C16orf95: variants seen among roughly 807,000 people sequenced by gnomAD.
C16orf95 encodes the protein chromosome 16 open reading frame 95.
A neutral mutation model predicts 32.1 loss-of-function variants in C16orf95; 41 were observed. The ratio of observed to expected loss-of-function variants is 1.28; its 90% CI spans 1.00 to 1.66. C16orf95 has a LOEUF of 1.66. C16orf95 is among the 40% of genes most tolerant of loss of function. C16orf95 has a pLI of 0.00. For synonymous variants in C16orf95, 147 were observed against 128.9 expected (o/e 1.14, Z -0.95); for missense variants, 399 against 325.9 (o/e 1.22, Z -1.73).
chr16:87,317,049 G>T, intron 1 of C16orf95, 42 bp downstream of exon 1: 2 of 1,469,666 alleles, frequency 1.4e-6, no homozygotes, highest in African/African-American at 2.8e-5. Context: ...ACTCACAGGC[G>T]AGGTGTCGGG....
Position 87,305,613 on chromosome 16 carries a change from A to C in C16orf95, c.701+106T>G. On this transcript the variant is annotated intron_variant, in intron 6 of 6. Transcript: ENST00000567970. The surrounding 1 kb of genome is among the most constrained non-coding windows in gnomAD (Gnocchi z 4.2). Reference sequence around the variant, plus strand: ...CGGGCCTTGGACGCCTGTCAAGTTAAGCCCCACCCCCCACTCTTCCACATC... The same window carrying C: ...CGGGCCTTGGACGCCTGTCAAGTTACGCCCCACCCCCCACTCTTCCACATC... The C allele has an allele frequency of 9.7e-7, 1 of 1,027,924 alleles. No homozygotes were observed. 63.7% of individuals were successfully genotyped at this position (1,027,924 alleles called of 1,614,324 possible).
intron 4 of C16orf95, among the ~76,000 whole-genome samples, chr16:87,310,782 T>G (rs1597345240): frequency 6.7e-6 from 1 of 149,720 alleles, no homozygotes; most frequent in East Asian, 2.0e-4. Context: ...GGAAGGGAGG[T>G]AGTGTGGGAA....
Position 87,315,172 on chromosome 16 carries a change from T to G in C16orf95, c.205-76A>C, listed in dbSNP as rs928031741. ...GGAGACAGGAGGCTCTCAAGCACAG[T>G]AGATCCGTGCTCAGGAAGATGGTGT... is the stretch of plus-strand genomic sequence containing the variant. On this transcript the variant is annotated intron_variant, in intron 2 of 6. Coordinates refer to ENST00000567970, the MANE Select transcript of C16orf95 (RefSeq NM_001195124.3). 1.3e-5 allele frequency: 19 copies of G among 1,424,254 alleles called. No homozygotes were observed. In the African/African-American group the frequency reaches 2.1e-4, roughly 16 times the overall value. 88.2% of individuals were successfully genotyped at this position (1,424,254 alleles called of 1,614,324 possible). A position where few individuals can be genotyped will look rare whatever the true frequency, so the allele number is the denominator to read the frequency against.
intron 5 of C16orf95, among the ~76,000 whole-genome samples, chr16:87,308,265 G>A (rs773874345): frequency 2.6e-5 from 4 of 151,992 alleles, no homozygotes; most frequent in South Asian, 2.1e-4. Flanking sequence ...GGAGGATCAC[G>A]AGGTCAGGAG....
At chr16:87,306,183 G>A (rs1911021536) in intron 5 of C16orf95, 1 of 294,252 alleles carries the variant, frequency 3.4e-6, no homozygotes, top group Non-Finnish European at 6.2e-6. Context: ...GCTGGGACTT[G>A]TTTCCAAATC....
rs990158141 is a variant in C16orf95 at position 87,317,117 on chromosome 16, T to G, written c.126A>C (p.Ala42=). ...TGCCATCCTGCGCGCTGGGTGTGAG[T>G]GCCAACCTGCAGAGCCCGACGCACC... ...GAGCVGLCRL[A]LTPSAQDGRN... The change falls in exon 1 of 7, where the codon GCA becomes GCC. Residue 42 remains alanine, a synonymous_variant. Coordinates refer to ENST00000567970, the MANE Select transcript of C16orf95 (RefSeq NM_001195124.3). 3.3e-6 allele frequency: 5 copies of G among 1,531,262 alleles called. No individual in the cohort carries two copies. Among genetic ancestry groups the G allele is most frequent in the East Asian group, 2.5e-5 (1 of 40,658 alleles). 94.9% of individuals were successfully genotyped at this position (1,531,262 alleles called of 1,614,324 possible).
intron 3 of C16orf95, among the ~76,000 whole-genome samples, chr16:87,314,514 G>C (rs958754880): frequency 6.6e-6 from 1 of 152,198 alleles, no homozygotes; most frequent in Admixed American, 6.5e-5. Context: ...TCAGGGTATG[G>C]AATGTTGGGT....
intron 6 of C16orf95, among the ~76,000 whole-genome samples, chr16:87,303,852 C>T (rs1463677141): frequency 6.6e-6 from 1 of 152,132 alleles, no homozygotes. Flanking sequence ...CTCCCCAGAA[C>T]AGTTACTCCA....
intron 5 of C16orf95, among the ~76,000 whole-genome samples, chr16:87,308,692 G>C (rs1911137677): frequency 6.6e-6 from 1 of 152,158 alleles, no homozygotes; most frequent in Admixed American, 6.5e-5. Context: ...CTTCAGGATG[G>C]TACTGGCAAA....
chr16:87,304,093 C>G (rs1310953909), intron 6 of C16orf95, among the ~76,000 whole-genome samples: 2 of 152,146 alleles, frequency 1.3e-5, no homozygotes, highest in African/African-American at 2.4e-5. Flanking sequence ...AATCAGCTCA[C>G]TGCAACTGCA....
rs1353892821 is a variant in C16orf95, at chr16:87,315,788, C to T, written c.188G>A (p.Cys63Tyr). The T allele has an allele frequency of 6.5e-7, 1 of 1,530,792 alleles. No individual in the cohort carries two copies. The highest frequency in any genetic ancestry group is 1.2e-5 in the South Asian group (1 of 82,986). 94.8% of individuals were successfully genotyped at this position (1,530,792 alleles called of 1,614,324 possible). Residue 63 changes from cysteine to tyrosine, a missense_variant, in exon 2 of 7, where the codon TGC becomes TAC. Transcript: ENST00000567970. ...STFQTYKKEVCLPRHSMHPGP... is the reference protein window; with the variant it reads ...STFQTYKKEVYLPRHSMHPGP... ...TTTCCTTACCGAATGACGGGGGAGGCACACTTCTTTCTTGTAGGTTTGAAA... is the reference window on the plus strand; with the variant it reads ...TTTCCTTACCGAATGACGGGGGAGGTACACTTCTTTCTTGTAGGTTTGAAA...
chr16:87,305,700 C>T lies in C16orf95; in HGVS notation c.701+19G>A, dbSNP rs1910987572. 6.7e-7 allele frequency: 1 copy of T among 1,484,336 alleles called. No individual in the cohort carries two copies. The highest frequency in any genetic ancestry group is 1.4e-5 in the African/African-American group (1 of 70,176). 91.9% of individuals were successfully genotyped at this position (1,484,336 alleles called of 1,614,324 possible). A position where few individuals can be genotyped will look rare whatever the true frequency, so the allele number is the denominator to read the frequency against. Reference sequence around the variant, plus strand: ...CCATGCCAGGGCCACCCACTGTCCCCCATCCCCCACCTGCTCACCGAATGG... The same window carrying T: ...CCATGCCAGGGCCACCCACTGTCCCTCATCCCCCACCTGCTCACCGAATGG... On this transcript the variant is annotated intron_variant, in intron 6 of 6. Coordinates refer to ENST00000567970, the MANE Select transcript of C16orf95 (RefSeq NM_001195124.3). This position sits in a 1 kb window ranked among gnomAD's most constrained non-coding sequence, Gnocchi z 4.2.
In C16orf95 at chr16:87,305,211, CA is replaced by C. The variant is rs1910958770; in HGVS notation, c.701+507del. Reference sequence around the variant, plus strand: ...CCATGGCTGTGGGCAGCAAGGGTGCCAGGGGCGAAACTCGAAGCCTGGGCGA... The same window carrying C: ...CCATGGCTGTGGGCAGCAAGGGTGCCGGGGCGAAACTCGAAGCCTGGGCGA... On this transcript the variant is annotated intron_variant, in intron 6 of 6. Coordinates refer to ENST00000567970, the MANE Select transcript of C16orf95 (RefSeq NM_001195124.3). The surrounding 1 kb of genome is among the most constrained non-coding windows in gnomAD (Gnocchi z 4.2). 4.6e-5 allele frequency among the ~76,000 whole-genome samples: 7 copies of C among 152,236 alleles called. No individual in the cohort carries two copies. In the South Asian group the frequency reaches 1.5e-3, roughly 32 times the overall value.
At chr16:87,314,264 C>G (rs991622201) in intron 3 of C16orf95, among the ~76,000 whole-genome samples, 1 of 152,100 alleles carries the variant, frequency 6.6e-6, no homozygotes, top group African/African-American at 2.4e-5. Context: ...AGAAACAACC[C>G]AAATGTCCTT....
chr16:87,307,847 G>A (rs934301735), intron 5 of C16orf95, among the ~76,000 whole-genome samples: 14 of 152,226 alleles, frequency 9.2e-5, no homozygotes, highest in African/African-American at 3.4e-4. Context: ...TTTTGTCAGT[G>A]ATGACACCAG....
rs2150657160 is a variant in C16orf95, at chr16:87,315,801, T to C, written c.175A>G (p.Lys59Glu). Residue 59 changes from lysine to glutamate, a missense_variant, in exon 2 of 7, where the codon AAG (lysine) becomes GAG (glutamate). Lys to Glu is a moderately conservative substitution (Grantham distance 56). Coordinates refer to ENST00000567970, the MANE Select transcript of C16orf95 (RefSeq NM_001195124.3). ...DGRNSTFQTY[K>E]KEVCLPRHSM... ...TGACGGGGGAGGCACACTTCTTTCT[T>C]GTAGGTTTGAAATGTGCTATTCCTA... 1 of 1,531,192 alleles carries C rather than the reference T, an allele frequency of 6.5e-7. No individual in the cohort carries two copies. Among genetic ancestry groups the C allele is most frequent in the Non-Finnish European group, 8.7e-7 (1 of 1,144,394 alleles). 94.9% of individuals were successfully genotyped at this position (1,531,192 alleles called of 1,614,324 possible).
Position 87,317,207 on chromosome 16 carries a change from A to C in C16orf95, c.36T>G (p.Arg12=). ...RASRSPPSPR[R]CHHHHEATGA... Reference sequence around the variant, plus strand: ...CAGTGGCCTCATGATGATGGTGACAACGCCGCGGGGACGGTGGGGACCGGC... The same window carrying C: ...CAGTGGCCTCATGATGATGGTGACACCGCCGCGGGGACGGTGGGGACCGGC... Residue 12 remains arginine (R), a synonymous_variant, in exon 1 of 7, where the codon CGT becomes CGG. Transcript: ENST00000567970. 1.3e-6 allele frequency: 2 copies of C among 1,529,590 alleles called. No homozygotes were observed. 94.8% of individuals were successfully genotyped at this position (1,529,590 alleles called of 1,614,324 possible). A position where few individuals can be genotyped will look rare whatever the true frequency, so the allele number is the denominator to read the frequency against.
chr16:87,306,116 C>G (rs184653459), intron 5 of C16orf95: 10 of 418,236 alleles, frequency 2.4e-5, no homozygotes, highest in Middle Eastern at 5.9e-4. Flanking sequence ...AGCCTTGGGG[C>G]TGTTTTTCAA....
chr16:87,317,069 G>A lies in C16orf95; in HGVS notation c.152+22C>T, dbSNP rs530035112. ...CAGGCGAGGTGTCGGGTAGCCGCGGGCAGGATTCAGGACTCACTTGCCTGC... is the reference window on the plus strand; with the variant it reads ...CAGGCGAGGTGTCGGGTAGCCGCGGACAGGATTCAGGACTCACTTGCCTGC... On this transcript the variant is annotated intron_variant, in intron 1 of 6. Transcript: ENST00000567970. 4.2e-5 allele frequency: 63 copies of A among 1,486,254 alleles called. No homozygotes were observed. The Admixed American group carries it at 9.1e-4, about 22-fold the overall frequency. The allele number at this position is 1,486,254 out of a possible 1,614,324, so 92.1% of individuals were successfully genotyped here.
Sources: gnomAD v4.1 joint callset for allele counts (sites outside exome capture counted in the v4.1 genomes callset) on GRCh38, gnomAD v4.1.1 for gene constraint, Gnocchi (gnomAD v3.1) non-coding constraint, MANE v1.5 for transcripts, NCBI Gene and HGNC (gene_info 2026-07-23, HGNC 2026-07-21) for gene names.